MYRIP: variants seen among roughly 807,000 people sequenced by gnomAD.
MYRIP encodes the protein rab effector MyRIP.
MYRIP carries 49 observed loss-of-function variants against 98.0 expected under a neutral mutation model. That is an observed-to-expected ratio of 0.50 (90% CI 0.40 to 0.63). The LOEUF (loss-of-function observed/expected upper bound fraction) is 0.63, where lower values mean the gene tolerates loss of function less well. Ranked by LOEUF, MYRIP falls within the 30% of genes least tolerant of loss-of-function variation. The probability of loss-of-function intolerance (pLI) is 0.00; values close to 1 mark genes in which losing one functional copy is unlikely to be tolerated. For missense variants in MYRIP, 1,004 were observed against 1,058.2 expected (o/e 0.95, Z 0.71); for synonymous variants, 404 against 409.5 (o/e 0.99, Z 0.16).
chr3:40,190,042 G>A lies in MYRIP; in HGVS notation c.1244G>A (p.Arg415Gln), dbSNP rs572964879. 41 of 1,613,996 alleles carry A rather than the reference G, an allele frequency of 2.5e-5. No homozygotes were observed. The highest frequency in any genetic ancestry group is 1.3e-4 in the African/African-American group (10 of 75,024). ...TTGAGCAAGCTGTGTCCCAGGTCCC[G>A]GGCCCTGCCCAGGAACCCCCAGCCT... Reference protein sequence around the residue: ...EALSKLCPRSRALPRNPQPQP... With the variant: ...EALSKLCPRSQALPRNPQPQP... The change falls in exon 10 of 17, where the codon CGG becomes CAG. Residue 415 changes from arginine to glutamine, a missense_variant. By Grantham distance (43) the Arg-to-Gln change is conservative. Transcript: ENST00000302541.
chr3:39,978,350 A>C (rs1399339304), intron 2 of MYRIP, among the ~76,000 whole-genome samples: 1 of 152,222 alleles, frequency 6.6e-6, no homozygotes, highest in Non-Finnish European at 1.5e-5. Context: ...AGTTTGAGAC[A>C]CTAAGATTGC....
chr3:39,874,812 T>G (rs1942930429), intron 1 of MYRIP, among the ~76,000 whole-genome samples: 1 of 152,170 alleles, frequency 6.6e-6, no homozygotes, highest in South Asian at 2.1e-4. Flanking sequence ...CTTTTTTGGT[T>G]GTGTCTCTGC....
At chr3:40,085,175 A>G (rs1053106256) in intron 3 of MYRIP, among the ~76,000 whole-genome samples, 9 of 149,088 alleles carry the variant, frequency 6.0e-5, no homozygotes, top group Non-Finnish European at 1.3e-4. Flanking sequence ...TCCACAGATA[A>G]TATGTGTCTA....
At chr3:40,245,920 T>G (rs926212580) in intron 13 of MYRIP, among the ~76,000 whole-genome samples, 6 of 146,794 alleles carry the variant, frequency 4.1e-5, no homozygotes, top group Admixed American at 1.3e-4. Flanking sequence ...CTAATTTTTT[T>G]TTTTTTTTTT....
At chr3:40,023,036 C>T (rs1181229946) in intron 2 of MYRIP, among the ~76,000 whole-genome samples, 1 of 152,016 alleles carries the variant, frequency 6.6e-6, no homozygotes, top group Non-Finnish European at 1.5e-5. Flanking sequence ...TTATGACACA[C>T]ATATGGATTA....
intron 2 of MYRIP, among the ~76,000 whole-genome samples, chr3:39,995,782 G>C (rs1946335292): frequency 6.6e-6 from 1 of 152,210 alleles, no homozygotes; most frequent in Admixed American, 6.5e-5. Context: ...AGGGCAGCCA[G>C]AGAGAAAGGT....
At chr3:40,173,482 C>G (rs1415999504) in intron 8 of MYRIP, 1 of 152,236 alleles carries the variant, frequency 6.6e-6, no homozygotes, top group African/African-American at 2.4e-5. Context: ...AGATGTAGGA[C>G]AGTGGGCTCT....
chr3:39,881,389 C>T (rs1018244580), intron 1 of MYRIP, among the ~76,000 whole-genome samples: 10 of 152,190 alleles, frequency 6.6e-5, no homozygotes, highest in Non-Finnish European at 2.9e-5. Context: ...ATAAAGCAAG[C>T]TGTTTCCTTG....
intron 3 of MYRIP, among the ~76,000 whole-genome samples, chr3:40,149,027 G>A (rs978469856): frequency 1.3e-5 from 2 of 152,154 alleles, no homozygotes; most frequent in African/African-American, 4.8e-5. Context: ...AGGCATGTAG[G>A]GACTCCCCCA....
At chr3:40,257,912 C>T (rs536019637) in intron 16 of MYRIP, among the ~76,000 whole-genome samples, 1 of 152,288 alleles carries the variant, frequency 6.6e-6, no homozygotes, top group African/African-American at 2.4e-5. Context: ...GGAAAGAAGG[C>T]ACATTTGATC....
intron 2 of MYRIP, among the ~76,000 whole-genome samples, chr3:39,925,181 T>C (rs1944393949): frequency 1.3e-5 from 2 of 151,560 alleles, no homozygotes; most frequent in African/African-American, 2.4e-5. Flanking sequence ...CTCAAAATGA[T>C]TTAAAAAATA....
chr3:39,819,588 G>T lies in MYRIP; in HGVS notation c.-31+9672G>T, dbSNP rs907521423. On this transcript the variant is annotated intron_variant, in intron 1 of 16. Transcript: ENST00000302541. ...TAAAATTTAGAAGACTTTCGTTGGG[G>T]TAACTGCAAAGTAACACTGTGATAT... 5.6e-4 allele frequency among the ~76,000 whole-genome samples: 85 copies of T among 152,176 alleles called. 1 individual carries two copies. Among genetic ancestry groups the T allele is most frequent in the Non-Finnish European group, 1.5e-5 (1 of 68,032 alleles).
intron 2 of MYRIP, among the ~76,000 whole-genome samples, chr3:39,998,345 A>C (rs1946422893): frequency 6.6e-6 from 1 of 152,246 alleles, no homozygotes; most frequent in South Asian, 2.1e-4. Context: ...CTCAGGATAC[A>C]AAATCAATCT....
intron 1 of MYRIP, among the ~76,000 whole-genome samples, chr3:39,857,561 G>C (rs1483873905): frequency 1.3e-5 from 2 of 152,028 alleles, no homozygotes; most frequent in African/African-American, 4.8e-5. Flanking sequence ...GGAGCAAAAA[G>C]AAAAAGAATG....
chr3:39,868,176 G>T (rs907663854), intron 1 of MYRIP, among the ~76,000 whole-genome samples: 2 of 152,184 alleles, frequency 1.3e-5, no homozygotes, highest in South Asian at 4.1e-4. Flanking sequence ...AAGCATGGGA[G>T]GTAGAAAGCA....
At chr3:40,195,689 TG>T (rs1305460084) in intron 10 of MYRIP, among the ~76,000 whole-genome samples, 25 of 67,930 alleles carry the variant, frequency 3.7e-4, no homozygotes, top group African/African-American at 8.6e-4. Flanking sequence ...AAATTTTACT[TG>T]ATTATGGTTT....
intron 2 of MYRIP, among the ~76,000 whole-genome samples, chr3:39,965,861 A>G (rs528902290): frequency 6.6e-6 from 1 of 152,332 alleles, no homozygotes; most frequent in East Asian, 1.9e-4. Context: ...AATTTAAATG[A>G]AAAATATTTC....
At chr3:40,039,401 G>A (rs72871436) in intron 2 of MYRIP, among the ~76,000 whole-genome samples, 2,534 of 152,228 alleles carry the variant, frequency 0.017, 62 homozygotes, top group African/African-American at 0.058. Context: ...TTGGAAAAGG[G>A]CTGAGAAAAC....
intron 3 of MYRIP, among the ~76,000 whole-genome samples, chr3:40,060,431 A>G (rs1223871121): frequency 2.0e-5 from 3 of 151,940 alleles, no homozygotes; most frequent in African/African-American, 7.3e-5. Flanking sequence ...TTCTTATTTC[A>G]AAGGAAAAAC....
Sources: allele counts gnomAD v4.1 joint callset (sites outside exome capture counted in the v4.1 genomes callset), GRCh38; gene constraint gnomAD v4.1.1; transcripts MANE v1.5; gene names NCBI Gene and HGNC (gene_info 2026-07-23, HGNC 2026-07-21).